Variants in ANP32A observed in about 807,000 individuals in gnomAD.
ANP32A encodes acidic leucine-rich nuclear phosphoprotein 32 family member A.
Under a neutral mutation model 33.9 loss-of-function variants are expected in ANP32A, and 1 was observed. The ratio of observed to expected loss-of-function variants is 0.03; its 90% CI spans 0.01 to 0.14. ANP32A has a LOEUF of 0.14. Ranked by LOEUF, ANP32A falls within the 10% of genes least tolerant of loss-of-function variation. The pLI is 1.00. For synonymous variants in ANP32A, 115 were observed against 120.5 expected, an observed-to-expected ratio of 0.95 and a Z score of 0.30; for missense variants, 155 against 306.0, an observed-to-expected ratio of 0.51 and a Z score of 3.68.
At chr15:68,813,767 G>C (rs1165828319) in intron 1 of ANP32A, among the ~76,000 whole-genome samples, 1 of 151,976 alleles carries the variant, frequency 6.6e-6, no homozygotes, top group African/African-American at 2.4e-5. Flanking sequence ...ATTGGGCCAG[G>C]GCCCAATCAC....
intron 1 of ANP32A, among the ~76,000 whole-genome samples, chr15:68,807,399 A>G (rs1841575399): frequency 7.5e-6 from 1 of 133,828 alleles, no homozygotes; most frequent in African/African-American, 2.6e-5. Flanking sequence ...CTTGGCTGGT[A>G]TTCCTCCCGC....
chr15:68,792,321 C>A (rs1894008261), intron 1 of ANP32A: 1 of 152,120 alleles, frequency 6.6e-6, no homozygotes, highest in Non-Finnish European at 1.5e-5. Context: ...GAAGCTTTTC[C>A]AACACCCCAA....
At chr15:68,791,173 G>T (rs1161147713) in intron 1 of ANP32A, 2 of 152,234 alleles carry the variant, frequency 1.3e-5, no homozygotes, top group Non-Finnish European at 2.9e-5. Context: ...AGGCCTTGCT[G>T]GGTTCCCTCT....
intron 1 of ANP32A, among the ~76,000 whole-genome samples, chr15:68,813,870 T>TTTTC (rs1894344382): frequency 6.9e-6 from 1 of 145,148 alleles, no homozygotes; most frequent in Non-Finnish European, 1.5e-5. Context: ...TCCAGGAAGT[T>TTTTC]TTTTTTTTTT....
intron 1 of ANP32A, among the ~76,000 whole-genome samples, chr15:68,804,184 C>T (rs1243147708): frequency 6.6e-6 from 1 of 152,158 alleles, no homozygotes; most frequent in Non-Finnish European, 1.5e-5. Context: ...GATTTTATAA[C>T]AGAGAAGAGA....
rs2140357648 is a variant in ANP32A at position 68,779,643 on chromosome 15, A to G, written c.*438T>C. 6.2e-6 allele frequency: 1 copy of G among 161,230 alleles called. No homozygotes were observed. Among genetic ancestry groups the G allele is most frequent in the South Asian group, 1.8e-4 (1 of 5,600 alleles). The allele number at this position is 161,230 out of a possible 1,614,324, so 10.0% of individuals were successfully genotyped here. On this transcript the variant is annotated 3_prime_UTR_variant, in exon 7 of 7. Transcript: ENST00000465139. ...GGTATCATCATGTGAACCAAAGCAA[A>G]AGATATGGCTGGTGCTCAGCCCCTC...
At chr15:68,803,798 C>CTT (rs3985625) in intron 1 of ANP32A, among the ~76,000 whole-genome samples, 4,536 of 101,052 alleles carry the variant, frequency 0.045, 323 homozygotes, top group South Asian at 0.065. Context: ...ATTTCACAAA[C>CTT]TTTTTTTTTT....
At chr15:68,782,526 T>G (rs1479926691) in intron 5 of ANP32A, among the ~76,000 whole-genome samples, 18 of 152,186 alleles carry the variant, frequency 1.2e-4, no homozygotes, top group Non-Finnish European at 2.6e-4. Context: ...ATAGTGTCAC[T>G]CTCTGATTTG....
At chr15:68,811,291 T>A (rs1894308859) in intron 1 of ANP32A, among the ~76,000 whole-genome samples, 1 of 151,564 alleles carries the variant, frequency 6.6e-6, no homozygotes, top group African/African-American at 2.4e-5. Context: ...TCAATTAGAG[T>A]CTTTGCTTTA....
chr15:68,782,323 A>G (rs1596063006), intron 5 of ANP32A, among the ~76,000 whole-genome samples: 2 of 152,220 alleles, frequency 1.3e-5, no homozygotes, highest in South Asian at 2.1e-4. Flanking sequence ...CCTCTTAACA[A>G]CCCTGTGAGA....
chr15:68,805,604 G>T (rs1352633538), intron 1 of ANP32A, among the ~76,000 whole-genome samples: 1 of 152,200 alleles, frequency 6.6e-6, no homozygotes, highest in Non-Finnish European at 1.5e-5. Flanking sequence ...TCTTTCCCAT[G>T]AATCATCCCA....
chr15:68,816,600 C>T (rs193010795), intron 1 of ANP32A, among the ~76,000 whole-genome samples: 53 of 152,230 alleles, frequency 3.5e-4, no homozygotes, highest in Non-Finnish European at 6.8e-4. Context: ...GTCATATAGA[C>T]AGCATATACT....
chr15:68,807,325 G>C (rs989782499), intron 1 of ANP32A, among the ~76,000 whole-genome samples: 4 of 150,568 alleles, frequency 2.7e-5, no homozygotes, highest in African/African-American at 9.7e-5. Flanking sequence ...ACTGCTATGG[G>C]AAAGGTGAGC....
At position 68,782,580 on chromosome 15, in the gene ANP32A, C is replaced by T. The variant is rs148023246; in HGVS notation, c.624+376G>A. On this transcript the variant is annotated intron_variant, in intron 5 of 6. Coordinates refer to ENST00000465139, the MANE Select transcript of ANP32A (RefSeq NM_006305.4). ...CTGCTACCTATCAGTTCAAGGCAGA[C>T]TTTGGTTTTCCCTAGCACAGTTTAA... Among the ~76,000 whole-genome samples the T allele has an allele frequency of 7.3e-3, 1,111 of 152,336 alleles. 8 individuals carry two copies. The highest frequency in any genetic ancestry group is 0.017 in the African/African-American group (708 of 41,572).
intron 1 of ANP32A, chr15:68,791,200 G>T (rs1465553903): frequency 6.6e-6 from 1 of 152,170 alleles, no homozygotes; most frequent in Non-Finnish European, 1.5e-5. Context: ...ACACCCCTTT[G>T]TCCAGTCCCA....
intron 1 of ANP32A, among the ~76,000 whole-genome samples, chr15:68,788,123 T>C (rs917186077): frequency 6.6e-5 from 10 of 152,140 alleles, no homozygotes; most frequent in Non-Finnish European, 1.2e-4. Flanking sequence ...CTTTTCAACA[T>C]CTGGGTGAGA....
At chr15:68,812,379 G>C (rs527463548) in intron 1 of ANP32A, among the ~76,000 whole-genome samples, 257 of 152,286 alleles carry the variant, frequency 1.7e-3, no homozygotes, top group African/African-American at 6.0e-3. Flanking sequence ...AAGGGGCTGG[G>C]GGAACATGGC....
intron 1 of ANP32A, chr15:68,801,814 C>G (rs1894140318): frequency 2.4e-5 from 3 of 125,720 alleles, no homozygotes; most frequent in African/African-American, 9.7e-5. Flanking sequence ...GAAGAACCAA[C>G]TGAGTCACAC....
At position 68,782,937 on chromosome 15, in the gene ANP32A, C is replaced by A. The variant is rs1393753291; in HGVS notation, c.624+19G>T. 1.3e-6 allele frequency: 2 copies of A among 1,551,244 alleles called. No homozygotes were observed. The highest frequency in any genetic ancestry group is 2.0e-5 in the Admixed American group (1 of 50,994). On this transcript the variant is annotated intron_variant, in intron 5 of 6. Transcript: ENST00000465139. ...CTCAAAGGGGCAGACGGTGGCCCTG[C>A]CCAGCCCAGCCTCCTTACCTCCTCC...
Sources: allele counts gnomAD v4.1 joint callset (sites outside exome capture counted in the v4.1 genomes callset), GRCh38; gene constraint gnomAD v4.1.1; transcripts MANE v1.5; gene names NCBI Gene and HGNC (gene_info 2026-07-23, HGNC 2026-07-21).